PIAS2: variants seen among roughly 807,000 people sequenced by gnomAD.
PIAS2 encodes protein inhibitor of activated STAT 2.
Under a neutral mutation model 69.7 loss-of-function variants are expected in PIAS2, and 19 were observed. The observed-to-expected ratio is 0.27, with a 90% CI of 0.19 to 0.40. PIAS2 has a LOEUF of 0.40. PIAS2 is among the 10% of genes least tolerant of loss of function. PIAS2 has a pLI of 1.00. For synonymous variants in PIAS2, 261 were observed against 263.2 expected, an observed-to-expected ratio of 0.99 and a Z score of 0.08; for missense variants, 624 against 757.0, an observed-to-expected ratio of 0.82 and a Z score of 2.06.
At chr18:46,882,258 C>G (rs1034437344) in intron 2 of PIAS2, among the ~76,000 whole-genome samples, 1 of 151,656 alleles carries the variant, frequency 6.6e-6, no homozygotes, top group African/African-American at 2.4e-5. Context: ...TTAATCATAT[C>G]CAAAAGCTTA....
At chr18:46,916,267 T>C (rs2057870809) in intron 1 of PIAS2, among the ~76,000 whole-genome samples, 1 of 152,034 alleles carries the variant, frequency 6.6e-6, no homozygotes, top group African/African-American at 2.4e-5. Context: ...CGGAAAACAA[T>C]AAATATACAA....
chr18:46,879,540 C>A (rs572868174), intron 2 of PIAS2, among the ~76,000 whole-genome samples: 2 of 152,240 alleles, frequency 1.3e-5, no homozygotes, highest in Admixed American at 6.5e-5. Context: ...CATACGATCC[C>A]GCAATTTCAC....
intron 5 of PIAS2, among the ~76,000 whole-genome samples, chr18:46,854,160 C>G (rs1674722695): frequency 6.6e-6 from 1 of 152,174 alleles, no homozygotes. Flanking sequence ...CAGGGTCAGT[C>G]TCAGTCATGG....
At chr18:46,859,618 G>C (rs780200651) in intron 3 of PIAS2, among the ~76,000 whole-genome samples, 6 of 152,060 alleles carry the variant, frequency 3.9e-5, no homozygotes, top group Non-Finnish European at 8.8e-5. Context: ...TTTCAACTTC[G>C]CATCTTTGGT....
intron 3 of PIAS2, among the ~76,000 whole-genome samples, chr18:46,862,225 A>G (rs1486203936): frequency 1.3e-5 from 2 of 152,052 alleles, no homozygotes; most frequent in Non-Finnish European, 2.9e-5. Context: ...CAGCTACTCA[A>G]GAGGCTGAGG....
At chr18:46,832,320 CAGG>C (rs1347417048) in intron 9 of PIAS2, among the ~76,000 whole-genome samples, 4 of 151,866 alleles carry the variant, frequency 2.6e-5, no homozygotes, top group Non-Finnish European at 2.9e-5. Flanking sequence ...GAGGCTGAGG[CAGG>C]AGAATTGCTT....
chr18:46,859,663 A>C (rs2048374785), intron 3 of PIAS2, among the ~76,000 whole-genome samples: 1 of 152,182 alleles, frequency 6.6e-6, no homozygotes, highest in Admixed American at 6.5e-5. Flanking sequence ...GTAGACAGTT[A>C]ATAAATGTGT....
chr18:46,878,321 A>C (rs879240917), intron 2 of PIAS2, among the ~76,000 whole-genome samples: 6 of 152,216 alleles, frequency 3.9e-5, no homozygotes, highest in African/African-American at 1.4e-4. Flanking sequence ...CACTTGTGGA[A>C]GTCCTCATCA....
rs1421119648 is a variant in PIAS2, at chr18:46,883,116, C to A, written c.499+7464G>T. On this transcript the variant is annotated intron_variant, in intron 2 of 13. Coordinates refer to ENST00000585916, the MANE Select transcript of PIAS2 (RefSeq NM_004671.5). The stretch of plus-strand genomic sequence containing the variant: ...CCGTCTCAAAAGAAAAAAAAAAAAA[C>A]AAAAAGAGAGAAGAGAAAAAGCATT... Among the ~76,000 whole-genome samples, 249 of 147,548 alleles carry A rather than the reference C, an allele frequency of 1.7e-3. 1 individual carries two copies. The highest frequency in any genetic ancestry group is 3.1e-3 in the Non-Finnish European group (204 of 66,672).
intron 2 of PIAS2, among the ~76,000 whole-genome samples, chr18:46,881,398 T>C (rs527980775): frequency 6.6e-6 from 1 of 152,358 alleles, no homozygotes; most frequent in African/African-American, 2.4e-5. Context: ...GATTATAATT[T>C]AAAGCAGTGA....
chr18:46,812,485 C>T lies in PIAS2; in HGVS notation c.1814G>A (p.Gly605Glu). 6.2e-7 allele frequency: 1 copy of T among 1,613,130 alleles called. No homozygotes were observed. The highest frequency in any genetic ancestry group is 8.5e-7 in the Non-Finnish European group (1 of 1,179,246). ...VSSSSSRSET[G>E]VITSSGSNIP... ...GTTACTTCCACTGCTGGTTATGACC[C>T]CTGTCTCACTCCTGCTGCTGGATGA... is the stretch of plus-strand genomic sequence containing the variant. The change falls in exon 14 of 14, where the codon GGG (glycine) becomes GAG (glutamate). Residue 605 changes from glycine to glutamate, a missense_variant. Gly to Glu is a moderately conservative substitution (Grantham distance 98). This residue lies in a region of PIAS2 where 241 missense variants were observed against 257.3 expected (regional missense o/e 0.94). Transcript: ENST00000585916.
chr18:46,918,277 C>T (rs1300435039), upstream of PIAS2, among the ~76,000 whole-genome samples: 1 of 152,134 alleles, frequency 6.6e-6, no homozygotes, highest in Non-Finnish European at 1.5e-5. Flanking sequence ...TGGACGGTGT[C>T]CAGGGTTCAA....
At chr18:46,863,316 C>T (rs1359737798) in intron 3 of PIAS2, among the ~76,000 whole-genome samples, 1 of 152,048 alleles carries the variant, frequency 6.6e-6, no homozygotes, top group Non-Finnish European at 1.5e-5. Context: ...TTTTATATTG[C>T]TTTACCCAAT....
chr18:46,863,571 C>A (rs1220367294), intron 3 of PIAS2, among the ~76,000 whole-genome samples: 1 of 152,154 alleles, frequency 6.6e-6, no homozygotes, highest in East Asian at 1.9e-4. Context: ...GGATTACAGG[C>A]ATGAGCCACC....
At chr18:46,881,600 C>T (rs1047564215) in intron 2 of PIAS2, among the ~76,000 whole-genome samples, 4 of 152,176 alleles carry the variant, frequency 2.6e-5, no homozygotes, top group South Asian at 4.1e-4. Context: ...TTCAAAGCTC[C>T]CTCAAGTCTC....
chr18:46,884,214 T>C (rs1267380100), intron 2 of PIAS2, among the ~76,000 whole-genome samples: 3 of 152,202 alleles, frequency 2.0e-5, no homozygotes, highest in Non-Finnish European at 4.4e-5. Flanking sequence ...TGAATCTTTA[T>C]AACTTAACAT....
intron 6 of PIAS2, chr18:46,845,072 G>T: frequency 3.5e-6 from 1 of 285,588 alleles, no homozygotes; most frequent in Non-Finnish European, 6.4e-6. Context: ...AACATTCGCT[G>T]GTATGGGAAT....
intron 11 of PIAS2, among the ~76,000 whole-genome samples, chr18:46,822,646 A>C (rs2042303866): frequency 6.6e-6 from 1 of 152,202 alleles, no homozygotes. Flanking sequence ...GTTTGAAAAC[A>C]GTGGTCCTCC....
At chr18:46,832,248 C>G (rs1255751896) in intron 9 of PIAS2, among the ~76,000 whole-genome samples, 7 of 151,884 alleles carry the variant, frequency 4.6e-5, no homozygotes, top group Admixed American at 4.6e-4. Context: ...AACCCTGTCT[C>G]TACTAAAAAT....
Sources: allele counts gnomAD v4.1 joint callset (sites outside exome capture counted in the v4.1 genomes callset), GRCh38; gene constraint gnomAD v4.1.1; regional missense constraint gnomAD v4.1.1; transcripts MANE v1.5; gene names NCBI Gene and HGNC (gene_info 2026-07-23, HGNC 2026-07-21).